Variants in KHDRBS3 observed in about 807,000 individuals in gnomAD.
KHDRBS3 encodes KH RNA binding domain containing, signal transduction associated 3.
A neutral mutation model predicts 45.6 loss-of-function variants in KHDRBS3; 23 were observed. The ratio of observed to expected loss-of-function variants is 0.50; its 90% CI spans 0.36 to 0.72. The LOEUF is 0.72. Among genes scored for constraint, KHDRBS3 ranks in the 30% least tolerant of loss-of-function variants. The pLI, the probability that KHDRBS3 is intolerant of heterozygous loss-of-function variation, is 0.00. For missense variants in KHDRBS3, 352 were observed against 424.8 expected, an observed-to-expected ratio of 0.83 and a Z score of 1.51; for synonymous variants, 162 against 156.5, an observed-to-expected ratio of 1.04 and a Z score of -0.26.
chr8:135,470,298 G>A (rs955984471), intron 1 of KHDRBS3, among the ~76,000 whole-genome samples: 2 of 150,176 alleles, frequency 1.3e-5, no homozygotes, highest in African/African-American at 4.9e-5. Flanking sequence ...GATTTAACAA[G>A]TTTTACTGGT....
intron 1 of KHDRBS3, among the ~76,000 whole-genome samples, chr8:135,505,381 T>C (rs1488824361): frequency 6.6e-6 from 1 of 152,114 alleles, no homozygotes; most frequent in Non-Finnish European, 1.5e-5. Context: ...CTGCTTGTGG[T>C]CCCTTGGGAC....
chr8:135,461,152 T>G (rs991523039), intron 1 of KHDRBS3, among the ~76,000 whole-genome samples: 25 of 152,218 alleles, frequency 1.6e-4, no homozygotes, highest in African/African-American at 6.0e-4. Context: ...TTGCCCAGGC[T>G]AGAGTGCAGT....
intron 7 of KHDRBS3, chr8:135,625,595 C>G (rs1193192339): frequency 1.0e-6 from 1 of 954,042 alleles, no homozygotes; most frequent in Admixed American, 1.7e-5. Context: ...TTGACCTTGT[C>G]TGGCAGCCAC....
At chr8:135,578,386 G>A (rs1483613154) in intron 5 of KHDRBS3, among the ~76,000 whole-genome samples, 3 of 148,726 alleles carry the variant, frequency 2.0e-5, no homozygotes, top group Non-Finnish European at 4.5e-5. Flanking sequence ...TACATTTTGA[G>A]TTGATTTTTG....
At chr8:135,632,871 C>T (rs888533620) in intron 7 of KHDRBS3, among the ~76,000 whole-genome samples, 4 of 152,076 alleles carry the variant, frequency 2.6e-5, no homozygotes, top group Non-Finnish European at 5.9e-5. Context: ...GAATGTGTCC[C>T]CTGAAGAACT....
intron 2 of KHDRBS3, among the ~76,000 whole-genome samples, chr8:135,538,048 A>G (rs1431890188): frequency 6.6e-6 from 1 of 152,218 alleles, no homozygotes; most frequent in Non-Finnish European, 1.5e-5. Flanking sequence ...ACTGTAAGTT[A>G]TATCTCAGAA....
chr8:135,596,387 G>A (rs1828974707), intron 6 of KHDRBS3, among the ~76,000 whole-genome samples: 4 of 152,152 alleles, frequency 2.6e-5, no homozygotes, highest in Admixed American at 6.5e-5. Flanking sequence ...TGAAGGGACT[G>A]ATAAATCCCC....
intron 6 of KHDRBS3, among the ~76,000 whole-genome samples, chr8:135,591,909 G>C (rs7815148): frequency 2.6e-5 from 4 of 152,158 alleles, no homozygotes; most frequent in Admixed American, 6.6e-5. Flanking sequence ...TCTCAAAACT[G>C]CTTCAATTAT....
At chr8:135,496,479 C>T (rs958811580) in intron 1 of KHDRBS3, among the ~76,000 whole-genome samples, 1 of 152,026 alleles carries the variant, frequency 6.6e-6, no homozygotes, top group Admixed American at 6.5e-5. Flanking sequence ...GTGACCCTCC[C>T]GCCTTGGCCT....
At chr8:135,522,320 G>A (rs974414024) in intron 2 of KHDRBS3, among the ~76,000 whole-genome samples, 2 of 152,248 alleles carry the variant, frequency 1.3e-5, no homozygotes, top group East Asian at 3.9e-4. Context: ...TAGTGTATAT[G>A]TACCACATTT....
intron 7 of KHDRBS3, among the ~76,000 whole-genome samples, chr8:135,642,966 CT>C (rs1207439499): frequency 6.6e-6 from 1 of 151,578 alleles, no homozygotes; most frequent in Middle Eastern, 3.2e-3. Context: ...TTTTTATATA[CT>C]TTTTTTTAGT....
In KHDRBS3 at chr8:135,531,892, G is replaced by A. The variant is rs142109871; in HGVS notation, c.207+10537G>A. On this transcript the variant is annotated intron_variant, in intron 2 of 8. Coordinates refer to ENST00000355849, the MANE Select transcript of KHDRBS3 (RefSeq NM_006558.3). ...TTGGGCATGGAATTGTATATATCTCGAAGAGAATCCTGAAATATTTGTGAT... is the reference window on the plus strand; with the variant it reads ...TTGGGCATGGAATTGTATATATCTCAAAGAGAATCCTGAAATATTTGTGAT... Among the ~76,000 whole-genome samples, 452 of 152,162 alleles carry A rather than the reference G, an allele frequency of 3.0e-3. 3 individuals are homozygous for A. The highest frequency in any genetic ancestry group is 0.01 in the African/African-American group (418 of 41,524).
intron 6 of KHDRBS3, among the ~76,000 whole-genome samples, chr8:135,600,776 GCAGCCTCC>G (rs749400559): frequency 7.2e-5 from 11 of 152,218 alleles, no homozygotes; most frequent in Admixed American, 3.3e-4. Flanking sequence ...GCCTTGGTCT[GCAGCCTCC>G]GCCTCCCGGG....
intron 4 of KHDRBS3, among the ~76,000 whole-genome samples, chr8:135,652,720 G>T (rs1831454800): frequency 6.6e-6 from 1 of 152,184 alleles, no homozygotes; most frequent in African/African-American, 2.4e-5. Context: ...TCCCTAGCCT[G>T]CCATCTTCGC....
intron 7 of KHDRBS3, chr8:135,625,406 C>G: frequency 1.3e-6 from 1 of 791,440 alleles, no homozygotes; most frequent in Non-Finnish European, 2.2e-6. Flanking sequence ...ATCAACTCAG[C>G]TGCCTCATCG....
intron 6 of KHDRBS3, among the ~76,000 whole-genome samples, chr8:135,594,603 C>T (rs1413121648): frequency 6.6e-6 from 1 of 152,184 alleles, no homozygotes; most frequent in Non-Finnish European, 1.5e-5. Flanking sequence ...GCTCAAAAAT[C>T]TAATTCTTCA....
intron 7 of KHDRBS3, among the ~76,000 whole-genome samples, chr8:135,619,851 G>A (rs1830066772): frequency 6.6e-6 from 1 of 152,148 alleles, no homozygotes; most frequent in Admixed American, 6.5e-5. Context: ...TGAAGTTTAT[G>A]GTCAGGGAAA....
chr8:135,600,947 C>T (rs2131002068), intron 6 of KHDRBS3, among the ~76,000 whole-genome samples: 1 of 152,306 alleles, frequency 6.6e-6, no homozygotes, highest in Non-Finnish European at 1.5e-5. Context: ...AAACAGTCTG[C>T]CCACCTCAGC....
chr8:135,549,234 A>C (rs1320341172), intron 4 of KHDRBS3: 1 of 171,306 alleles, frequency 5.8e-6, no homozygotes, highest in African/African-American at 2.4e-5. Context: ...CCAACACAAA[A>C]CCATTAGTGC....
Sources: allele counts gnomAD v4.1 joint callset (sites outside exome capture counted in the v4.1 genomes callset), GRCh38; gene constraint gnomAD v4.1.1; transcripts MANE v1.5; gene names NCBI Gene and HGNC (gene_info 2026-07-23, HGNC 2026-07-21).